Variants in AIFM1 observed in about 807,000 individuals in gnomAD.
The protein encoded by AIFM1 is apoptosis-inducing factor 1, mitochondrial.
Under a neutral mutation model 51.7 loss-of-function variants are expected in AIFM1, and 3 were observed. The observed-to-expected ratio is 0.06, with a 90% CI of 0.03 to 0.15. The LOEUF (loss-of-function observed/expected upper bound fraction) is 0.15, where lower values mean the gene tolerates loss of function less well. Ranked by LOEUF, AIFM1 falls within the 10% of genes least tolerant of loss-of-function variation. The pLI, the probability that AIFM1 is intolerant of heterozygous loss-of-function variation, is 1.00. For missense variants in AIFM1, 330 were observed against 476.8 expected (o/e 0.69, Z 2.87); for synonymous variants, 178 against 179.4 (o/e 0.99, Z 0.06).
intron 9 of AIFM1, chrX:130,137,442 T>G (rs1243845048): frequency 8.6e-7 from 1 of 1,164,347 alleles, no homozygotes; most frequent in African/African-American, 1.8e-5. Context: ...CTTCCACCCA[T>G]GCAGTCACCT....
chrX:130,140,085 G>A (rs988180297), intron 7 of AIFM1, among the ~76,000 whole-genome samples: 3 of 112,355 alleles, frequency 2.7e-5, no homozygotes, highest in African/African-American at 9.7e-5. Context: ...CTGTCTTCAA[G>A]GGGTACACCC....
At chrX:130,157,872 T>C (rs1300130788) in intron 1 of AIFM1, among the ~76,000 whole-genome samples, 1 of 107,121 alleles carries the variant, frequency 9.3e-6, no homozygotes, top group Non-Finnish European at 1.9e-5. Context: ...GGAGAATCGC[T>C]TGAACCCGGG....
At chrX:130,152,791 G>A (rs1172254477) in intron 2 of AIFM1, among the ~76,000 whole-genome samples, 1 of 111,869 alleles carries the variant, frequency 8.9e-6, no homozygotes. Context: ...AGCAGCAGAA[G>A]CACTGTTGAA....
chrX:130,132,871 C>A (rs1410987760), intron 13 of AIFM1, among the ~76,000 whole-genome samples: 2 of 109,938 alleles, frequency 1.8e-5, no homozygotes, highest in Admixed American at 9.7e-5. Flanking sequence ...CTCAGCCTAC[C>A]GAGTAGCTGG....
chrX:130,141,464 AT>A (rs1268820020), intron 6 of AIFM1, among the ~76,000 whole-genome samples: 13 of 112,003 alleles, frequency 1.2e-4, no homozygotes, highest in Non-Finnish European at 2.3e-4. Flanking sequence ...CATCTACAAC[AT>A]TTTTACAGAA....
intron 15 of AIFM1, 36 bp downstream of exon 15, chrX:130,129,934 T>C (rs1295614522): frequency 3.1e-5 from 37 of 1,200,446 alleles, no homozygotes; most frequent in Non-Finnish European, 3.9e-5. Flanking sequence ...AAGCCGTACT[T>C]CCCATCTTCC....
chrX:130,152,305 C>G (rs2031012846), intron 2 of AIFM1, among the ~76,000 whole-genome samples: 2 of 110,502 alleles, frequency 1.8e-5, no homozygotes, highest in African/African-American at 6.6e-5. Flanking sequence ...CAAGAAATAT[C>G]TAGAGGTTTA....
chrX:130,150,664 C>G (rs1469103774), intron 2 of AIFM1, among the ~76,000 whole-genome samples: 4 of 105,178 alleles, frequency 3.8e-5, no homozygotes, highest in Non-Finnish European at 7.8e-5. Flanking sequence ...AAAAGGTAGG[C>G]AAGAATGACT....
chrX:130,145,164 G>A lies in AIFM1; in HGVS notation c.696+315C>T, dbSNP rs371956668. On this transcript the variant is annotated intron_variant, in intron 6 of 15. Transcript: ENST00000287295. ...ATTTTACTATGAGTAATACATATTT[G>A]TCAATCTTTTCTCATCGATAATCCC... 3.6e-4 allele frequency among the ~76,000 whole-genome samples: 40 copies of A among 112,203 alleles called. 1 individual carries two copies. The South Asian group carries it at 0.014, about 38-fold the overall frequency.
At position 130,165,784 on chromosome X, in the gene AIFM1, C is replaced by A. The variant is rs2031514180; in HGVS notation, c.-128G>T. The stretch of plus-strand genomic sequence containing the variant: ...CGCACATTACGCAGACTCCTCCTCC[C>A]AGCTCCGGGTGGGCATTGGACAGAG... On this transcript the variant is annotated 5_prime_UTR_variant, in exon 1 of 16. Coordinates refer to ENST00000287295, the MANE Select transcript of AIFM1 (RefSeq NM_004208.4). 2 of 601,502 alleles carry A rather than the reference C, an allele frequency of 3.3e-6. No homozygotes were observed. The highest frequency in any genetic ancestry group is 5.6e-6 in the Non-Finnish European group (2 of 357,967). The allele number at this position is 601,502 out of a possible 1,213,427, so 49.6% of individuals were successfully genotyped here. A position where few individuals can be genotyped will look rare whatever the true frequency, so the allele number is the denominator to read the frequency against.
At chrX:130,136,806 C>T (rs192260041) in intron 10 of AIFM1, 75 bp from the exon 11 acceptor site, 77 of 1,080,503 alleles carry the variant, frequency 7.1e-5, no homozygotes, top group Non-Finnish European at 8.9e-5. Flanking sequence ...AGCTGACCAG[C>T]GGTCTCCTCC....
chrX:130,141,707 A>G (rs1267682468), intron 6 of AIFM1, among the ~76,000 whole-genome samples: 1 of 110,891 alleles, frequency 9.0e-6, no homozygotes, highest in Non-Finnish European at 1.9e-5. Context: ...GTTTTGAGCC[A>G]CCTCCTGGCT....
intron 5 of AIFM1, among the ~76,000 whole-genome samples, chrX:130,146,451 ATGTGTGTGTGTGTGTGTGTGTGTGTG>A (rs60694841): frequency 1.1e-5 from 1 of 89,435 alleles, no homozygotes; most frequent in African/African-American, 4.2e-5. Flanking sequence ...CTCTCAAAAT[ATGTGTGTGTGTGTGTGTGTGTGTGTG>A]TGTGTGTGTG....
intron 11 of AIFM1, among the ~76,000 whole-genome samples, 159 bp downstream of exon 11, chrX:130,136,484 T>A (rs376649354): frequency 8.0e-5 from 9 of 111,985 alleles, no homozygotes; most frequent in African/African-American, 2.9e-4. Context: ...CTCTCATCAT[T>A]CTGTTTTAAT....
At chrX:130,132,072 A>G (rs935852009) in intron 13 of AIFM1, among the ~76,000 whole-genome samples, 1 of 111,181 alleles carries the variant, frequency 9.0e-6, no homozygotes. Context: ...GGGTTTTACC[A>G]TGTTGGCCAG....
At chrX:130,147,359 G>T in intron 5 of AIFM1, 134 bp downstream of exon 5, 1 of 789,879 alleles carries the variant, frequency 1.3e-6, no homozygotes, top group Non-Finnish European at 1.9e-6. Context: ...GCTGTACCAA[G>T]TGTGGACCAC....
chrX:130,132,103 C>T (rs893694688), intron 13 of AIFM1, among the ~76,000 whole-genome samples: 1 of 111,447 alleles, frequency 9.0e-6, no homozygotes, highest in Non-Finnish European at 1.9e-5. Flanking sequence ...AACTCCTGAC[C>T]TCAAGTAATC....
At chrX:130,140,967 T>C (rs768635717) in intron 6 of AIFM1, among the ~76,000 whole-genome samples, 129 of 111,646 alleles carry the variant, frequency 1.2e-3, no homozygotes, top group African/African-American at 3.7e-3. Flanking sequence ...AATACAAAAA[T>C]TGGCCAGGTG....
At chrX:130,136,295 G>A in intron 11 of AIFM1, 110 bp from the exon 12 acceptor site, 2 of 929,817 alleles carry the variant, frequency 2.2e-6, no homozygotes, top group Non-Finnish European at 3.1e-6. Context: ...AAAAATCATG[G>A]GTTAACTTAC....
Sources: gnomAD v4.1 joint callset for allele counts (sites outside exome capture counted in the v4.1 genomes callset) on GRCh38, gnomAD v4.1.1 for gene constraint, MANE v1.5 for transcripts, NCBI Gene and HGNC (gene_info 2026-07-23, HGNC 2026-07-21) for gene names.